The following MGST1 variants were observed in gnomAD, a reference collection of about 807,000 sequenced individuals.
MGST1 encodes microsomal glutathione S-transferase 1.
In MGST1, 5 loss-of-function variants were observed where a neutral mutation model predicts 8.9. The observed-to-expected ratio is 0.56, with a 90% CI of 0.29 to 1.19. MGST1 has a LOEUF of 1.19. MGST1 is among the 50% of genes most tolerant of loss of function. The pLI, the probability that MGST1 is intolerant of heterozygous loss-of-function variation, is 0.08. For missense variants in MGST1, 182 were observed against 187.4 expected, an observed-to-expected ratio of 0.97 and a Z score of 0.17; for synonymous variants, 54 against 67.8, an observed-to-expected ratio of 0.80 and a Z score of 1.00.
chr12:16,432,056 G>T (rs908516337), intron 1 of MGST1, among the ~76,000 whole-genome samples: 1 of 151,960 alleles, frequency 6.6e-6, no homozygotes. Context: ...ACTTGATGTG[G>T]TCTATGCATT....
intron 1 of MGST1, among the ~76,000 whole-genome samples, chr12:16,416,998 CTGTA>C (rs1468513839): frequency 6.6e-6 from 1 of 152,062 alleles, no homozygotes; most frequent in African/African-American, 2.4e-5. Context: ...CCTTCAATTC[CTGTA>C]TGGATTAATT....
intron 4 of MGST1, among the ~76,000 whole-genome samples, chr12:16,538,430 T>C (rs1018027888): frequency 1.2e-4 from 19 of 152,150 alleles, no homozygotes; most frequent in Admixed American, 1.2e-3. Context: ...GCTTCCACAT[T>C]CTCAGGTATC....
intron 4 of MGST1, among the ~76,000 whole-genome samples, chr12:16,469,844 C>T (rs574171906): frequency 6.6e-6 from 1 of 152,290 alleles, no homozygotes; most frequent in African/African-American, 2.4e-5. Flanking sequence ...TGCAACTTAG[C>T]CTTGAATAAT....
chr12:16,455,611 T>C (rs1159185293), intron 4 of MGST1, among the ~76,000 whole-genome samples: 1 of 151,732 alleles, frequency 6.6e-6, no homozygotes, highest in Non-Finnish European at 1.5e-5. Context: ...AACAGCAGAA[T>C]CAAGAAGCCT....
chr12:16,575,043 A>G (rs531573990), intron 4 of MGST1, among the ~76,000 whole-genome samples: 1 of 152,276 alleles, frequency 6.6e-6, no homozygotes, highest in South Asian at 2.1e-4. Context: ...CACAAAAGAA[A>G]AGGTGTTTTC....
chr12:16,563,885 T>C (rs1364061144), intron 4 of MGST1, among the ~76,000 whole-genome samples: 4 of 152,368 alleles, frequency 2.6e-5, no homozygotes, highest in East Asian at 3.9e-4. Context: ...AGATGTCTTA[T>C]AGATTATTAA....
chr12:16,475,786 C>T (rs1941318701), intron 4 of MGST1, among the ~76,000 whole-genome samples: 1 of 152,118 alleles, frequency 6.6e-6, no homozygotes, highest in Admixed American at 6.6e-5. Flanking sequence ...GCACTCCCTT[C>T]CCAGGTGGCT....
At chr12:16,474,197 T>G (rs1436022564) in intron 4 of MGST1, among the ~76,000 whole-genome samples, 1 of 152,222 alleles carries the variant, frequency 6.6e-6, no homozygotes, top group African/African-American at 2.4e-5. Flanking sequence ...TGCTTAACAT[T>G]GTGTTTTGTT....
At chr12:16,359,565 A>G (rs1333328511) in intron 3 of MGST1, among the ~76,000 whole-genome samples, 1 of 152,216 alleles carries the variant, frequency 6.6e-6, no homozygotes, top group Non-Finnish European at 1.5e-5. Context: ...GAAATTTCAA[A>G]CAGCAGAACA....
chr12:16,566,557 G>T (rs988340532), intron 4 of MGST1, among the ~76,000 whole-genome samples: 1 of 151,806 alleles, frequency 6.6e-6, no homozygotes, highest in Non-Finnish European at 1.5e-5. Context: ...ATTAAAAAAA[G>T]AAATTTTCAA....
At chr12:16,479,371 A>G (rs1178261414) in intron 4 of MGST1, among the ~76,000 whole-genome samples, 3 of 149,932 alleles carry the variant, frequency 2.0e-5, no homozygotes, top group African/African-American at 4.9e-5. Context: ...AGTAGCTGGG[A>G]CTACAGGTGC....
At chr12:16,453,935 A>G (rs1449552363) in intron 4 of MGST1, among the ~76,000 whole-genome samples, 1 of 152,008 alleles carries the variant, frequency 6.6e-6, no homozygotes, top group Non-Finnish European at 1.5e-5. Flanking sequence ...ACCTTCTGAC[A>G]TGAGAGTTAG....
At chr12:16,489,300 C>G (rs1941421763) in intron 4 of MGST1, among the ~76,000 whole-genome samples, 1 of 151,936 alleles carries the variant, frequency 6.6e-6, no homozygotes, top group Non-Finnish European at 1.5e-5. Flanking sequence ...TTTAAGATCT[C>G]TAGTTCATGT....
At chr12:16,421,959 A>G (rs1311407711) in intron 1 of MGST1, among the ~76,000 whole-genome samples, 3 of 152,120 alleles carry the variant, frequency 2.0e-5, no homozygotes, top group African/African-American at 7.2e-5. Flanking sequence ...CCATTACTCT[A>G]GATCTTTGTG....
chr12:16,545,638 G>A (rs547652800), intron 4 of MGST1, among the ~76,000 whole-genome samples: 2 of 151,974 alleles, frequency 1.3e-5, no homozygotes, highest in African/African-American at 2.4e-5. Flanking sequence ...GTACCCTCAC[G>A]TCGATGCTGA....
Position 16,522,781 on chromosome 12 carries a change from G to GT in MGST1, n.483-66743dup, listed in dbSNP as rs556841297. Reference sequence around the variant, plus strand: ...ACTCTGTTTCTGCAGTAAGATGTGAGTTTTGTAAGTGTGCTGATGGCTAGA... The same window carrying GT: ...ACTCTGTTTCTGCAGTAAGATGTGAGTTTTTGTAAGTGTGCTGATGGCTAGA... On this transcript the variant is annotated intron_variant and non_coding_transcript_variant, in intron 4 of 4. Coordinates refer to the MGST1 transcript ENST00000538857. Among the ~76,000 whole-genome samples, 14 of 152,194 alleles carry GT rather than the reference G, an allele frequency of 9.2e-5. No individual in the cohort carries two copies. The East Asian group carries it at 2.7e-3, about 29-fold the overall frequency.
intron 4 of MGST1, among the ~76,000 whole-genome samples, chr12:16,518,470 A>G (rs913736372): frequency 1.3e-5 from 2 of 152,178 alleles, no homozygotes; most frequent in African/African-American, 4.8e-5. Flanking sequence ...TATAGCTAAC[A>G]CTAGTCAAAA....
chr12:16,551,784 T>C (rs537620271), intron 4 of MGST1, among the ~76,000 whole-genome samples: 60 of 152,090 alleles, frequency 3.9e-4, no homozygotes, highest in Non-Finnish European at 8.1e-4. Flanking sequence ...AATTAGAAAA[T>C]AGCCTATTTT....
At chr12:16,535,743 A>G (rs1424200159) in intron 4 of MGST1, among the ~76,000 whole-genome samples, 1 of 152,202 alleles carries the variant, frequency 6.6e-6, no homozygotes, top group East Asian at 1.9e-4. Context: ...TACTCTGCCC[A>G]CAACCAAAAA....
Sources: allele counts gnomAD v4.1 joint callset (sites outside exome capture counted in the v4.1 genomes callset), GRCh38; gene constraint gnomAD v4.1.1; transcripts MANE v1.5; gene names NCBI Gene and HGNC (gene_info 2026-07-23, HGNC 2026-07-21).